The following SERPINA9 variants were observed in gnomAD, a reference collection of about 807,000 sequenced individuals.
The protein encoded by SERPINA9 is serpin A9.
In SERPINA9, 32 loss-of-function variants were observed where a neutral mutation model predicts 24.5. The ratio of observed to expected loss-of-function variants is 1.30; its 90% confidence interval spans 0.98 to 1.75. The LOEUF (loss-of-function observed/expected upper bound fraction) is 1.75. Ranked by LOEUF, SERPINA9 falls within the 40% of genes most tolerant of loss-of-function variation. The pLI, the probability that SERPINA9 is intolerant of heterozygous loss-of-function variation, is 0.00. For missense variants in SERPINA9, 594 were observed against 497.1 expected (o/e 1.19, Z -1.85); for synonymous variants, 233 against 197.7 (o/e 1.18, Z -1.50).
chr14:94,471,718 C>A (rs1899326324), intron 1 of SERPINA9, among the ~76,000 whole-genome samples: 1 of 150,788 alleles, frequency 6.6e-6, no homozygotes, highest in African/African-American at 2.4e-5. Flanking sequence ...CCAGAGCTGC[C>A]CCCACCCTGA....
At chr14:94,468,723 G>A (rs767437326) in intron 2 of SERPINA9, among the ~76,000 whole-genome samples, 19 of 152,180 alleles carry the variant, frequency 1.2e-4, no homozygotes, top group East Asian at 1.9e-4. Flanking sequence ...TCTATATGCA[G>A]TTATATATGA....
intron 3 of SERPINA9, 132 bp downstream of exon 3, chr14:94,466,977 C>G (rs1899030939): frequency 5.1e-6 from 5 of 988,116 alleles, no homozygotes; most frequent in Non-Finnish European, 7.5e-6. Context: ...GCCCCAGGCT[C>G]TCTGTCCTGC....
Position 94,469,693 on chromosome 14 carries a change from C to A in SERPINA9, c.148G>T (p.Asp50Tyr), listed in dbSNP as rs544061591. The change falls in exon 2 of 5, where the codon GAC becomes TAC. Residue 50 changes from aspartate (D) to tyrosine (Y), a missense_variant. Asp to Tyr is a radical substitution (Grantham distance 160, BLOSUM62 -3). Transcript: ENST00000674397. ...CTGCGGTATAGGCGGAAGGCAAAGT[C>A]GGTGTTGAGGGAATACACCTGTGAG... ...PASQVYSLNT[D>Y]FAFRLYRRLV... The A allele has an allele frequency of 4.3e-6, 7 of 1,611,762 alleles. No individual in the cohort carries two copies. In the East Asian group the frequency reaches 1.3e-4, roughly 31 times the overall value.
chr14:94,463,356 A>G, intron 4 of SERPINA9, 60 bp from the exon 5 acceptor site: 2 of 1,475,114 alleles, frequency 1.4e-6, no homozygotes, highest in Non-Finnish European at 9.5e-7. Flanking sequence ...TTAACTGAGT[A>G]AACTAAACTG....
intron 1 of SERPINA9, among the ~76,000 whole-genome samples, chr14:94,474,483 G>A (rs1899479403): frequency 6.6e-6 from 1 of 152,112 alleles, no homozygotes; most frequent in African/African-American, 2.4e-5. Context: ...CCTCTCTTCT[G>A]AGTCTGGGAT....
chr14:94,475,825 A>T, intron 1 of SERPINA9: 1 of 456,316 alleles, frequency 2.2e-6, no homozygotes. Flanking sequence ...CACTCCTTTC[A>T]CCCTCTCATT....
intron 2 of SERPINA9, among the ~76,000 whole-genome samples, chr14:94,468,143 T>C (rs1899108659): frequency 6.6e-6 from 1 of 151,712 alleles, no homozygotes; most frequent in Non-Finnish European, 1.5e-5. Context: ...ATAGGGTGGA[T>C]AGATACATGA....
chr14:94,467,080 G>C, intron 3 of SERPINA9, 29 bp downstream of exon 3: 1 of 1,604,128 alleles, frequency 6.2e-7, no homozygotes, highest in Non-Finnish European at 8.5e-7. Flanking sequence ...CCCTGCCTCA[G>C]GGCCCAGGAG....
intron 1 of SERPINA9, chr14:94,475,843 A>G (rs567119348): frequency 1.1e-5 from 5 of 474,016 alleles, no homozygotes; most frequent in African/African-American, 2.0e-5. Flanking sequence ...ATTTGCTTCT[A>G]GCAGCTGCCC....
At chr14:94,475,853 C>G (rs891609143) in intron 1 of SERPINA9, 3 of 500,050 alleles carry the variant, frequency 6.0e-6, no homozygotes, top group Non-Finnish European at 1.1e-5. Context: ...AGCAGCTGCC[C>G]TATTTCAATA....
chr14:94,465,221 G>A (rs1279483355), intron 3 of SERPINA9, among the ~76,000 whole-genome samples: 1 of 152,158 alleles, frequency 6.6e-6, no homozygotes, highest in Non-Finnish European at 1.5e-5. Flanking sequence ...CCTGATGCAA[G>A]CCCTGCTAAT....
Position 94,469,287 on chromosome 14 carries a change from C to T in SERPINA9, c.554G>A (p.Gly185Glu). 2 of 1,614,180 alleles carry T rather than the reference C, an allele frequency of 1.2e-6. No homozygotes were observed. The highest frequency in any genetic ancestry group is 8.5e-7 in the Non-Finnish European group (1 of 1,180,032). ...GCCTTGGATTATGTCTACAACCTTC[C>T]CTTGGGTCTTCTTTTTCACATGGCT... ...INSHVKKKTQ[G>E]KVVDIIQGLD... is the part of the protein sequence containing the mutation. The change falls in exon 2 of 5, where the codon GGG becomes GAG. Residue 185 changes from glycine (G) to glutamate (E), a missense_variant. Coordinates refer to ENST00000674397, the MANE Select transcript of SERPINA9 (RefSeq NM_175739.4).
chr14:94,469,720 C>A lies in SERPINA9; in HGVS notation c.121G>T (p.Ala41Ser), dbSNP rs763090252. The A allele has an allele frequency of 6.3e-7, 1 of 1,596,052 alleles. No homozygotes were observed. ...GTGTTGAGGGAATACACCTGTGAGG[C>A]AGGGGTGCTCTTTGTGGAGGAAGGG... is the stretch of plus-strand genomic sequence containing the variant. The part of the protein sequence containing the change: ...PRPSSTKSTP[A>S]SQVYSLNTDF... The change falls in exon 2 of 5, where the codon GCC becomes TCC. Residue 41 changes from alanine (A) to serine (S), a missense_variant. Coordinates refer to ENST00000674397, the MANE Select transcript of SERPINA9 (RefSeq NM_175739.4).
At chr14:94,475,136 T>A (rs1899523514) in intron 1 of SERPINA9, among the ~76,000 whole-genome samples, 1 of 152,110 alleles carries the variant, frequency 6.6e-6, no homozygotes, top group Admixed American at 6.5e-5. Flanking sequence ...GCCTGTGTCT[T>A]CATGTCCCAG....
Position 94,469,718 on chromosome 14 carries a change from G to A in SERPINA9, c.123C>T (p.Ala41=), listed in dbSNP as rs770107389. The stretch of plus-strand genomic sequence containing the variant: ...CGGTGTTGAGGGAATACACCTGTGA[G>A]GCAGGGGTGCTCTTTGTGGAGGAAG... ...PRPSSTKSTP[A]SQVYSLNTDF... is the part of the protein sequence containing the mutation. Residue 41 remains alanine (A), a synonymous_variant, in exon 2 of 5, where the codon GCC becomes GCT. Coordinates refer to ENST00000674397, the MANE Select transcript of SERPINA9 (RefSeq NM_175739.4). 12 of 1,599,800 alleles carry A rather than the reference G, an allele frequency of 7.5e-6. No homozygotes were observed. Among genetic ancestry groups the A allele is most frequent in the Non-Finnish European group, 8.5e-6 (10 of 1,171,548 alleles).
chr14:94,463,232 G>A lies in SERPINA9; in HGVS notation c.1115C>T (p.Thr372Ile), dbSNP rs1385309859. The A allele has an allele frequency of 6.2e-7, 1 of 1,614,082 alleles. No individual in the cohort carries two copies. Among genetic ancestry groups the A allele is most frequent in the African/African-American group, 1.3e-5 (1 of 75,054 alleles). The change falls in exon 5 of 5, where the codon ACC becomes ATC. Residue 372 changes from threonine (T) to isoleucine (I), a missense_variant. Coordinates refer to ENST00000674397, the MANE Select transcript of SERPINA9 (RefSeq NM_175739.4). The part of the protein sequence containing the change: ...EGTEATAATT[T>I]KFIVRSKDGP... Reference sequence around the variant, plus strand: ...ATCCTTCGATCGGACTATGAACTTGGTGGTGGTAGCTGCTGTGGCCTCAGT... The same window carrying A: ...ATCCTTCGATCGGACTATGAACTTGATGGTGGTAGCTGCTGTGGCCTCAGT...
Position 94,463,043 on chromosome 14 carries a change from T to C in SERPINA9, c.*50A>G, listed in dbSNP as rs201966528. ...GAACAGAAAGAGGGATGTGGTTTGT[T>C]ATTTCTTGTGCATTAGCAATGTGCC... On this transcript the variant is annotated 3_prime_UTR_variant, in exon 5 of 5. Coordinates refer to ENST00000674397, the MANE Select transcript of SERPINA9 (RefSeq NM_175739.4). 5,277 of 1,461,172 alleles carry C rather than the reference T, an allele frequency of 3.6e-3. 12 individuals are homozygous for C. The highest frequency in any genetic ancestry group is 4.7e-3 in the Non-Finnish European group (4,847 of 1,040,564). The allele number at this position is 1,461,172 out of a possible 1,614,324, so 90.5% of individuals were successfully genotyped here. A position where few individuals can be genotyped will look rare whatever the true frequency, so the allele number is the denominator to read the frequency against.
chr14:94,475,290 C>T (rs1899534808), intron 1 of SERPINA9, among the ~76,000 whole-genome samples: 3 of 152,168 alleles, frequency 2.0e-5, no homozygotes. Context: ...CAACATGTAA[C>T]TCATCAGCTC....
At chr14:94,475,041 C>T (rs920963663) in intron 1 of SERPINA9, among the ~76,000 whole-genome samples, 1 of 152,172 alleles carries the variant, frequency 6.6e-6, no homozygotes, top group African/African-American at 2.4e-5. Flanking sequence ...TTCCTCAATT[C>T]CACCCCATCC....
Sources: allele counts gnomAD v4.1 joint callset (sites outside exome capture counted in the v4.1 genomes callset), GRCh38; gene constraint gnomAD v4.1.1; transcripts MANE v1.5; gene names NCBI Gene and HGNC (gene_info 2026-07-23, HGNC 2026-07-21).